Variants in DLG2 observed in about 807,000 individuals in gnomAD.
DLG2 encodes the protein discs large MAGUK scaffold protein 2.
DLG2 carries 45 observed loss-of-function variants against 132.5 expected under a neutral mutation model. That is an observed-to-expected ratio of 0.34 (90% CI 0.27 to 0.44). The LOEUF (loss-of-function observed/expected upper bound fraction) is 0.44. Ranked by LOEUF, DLG2 falls within the 20% of genes least tolerant of loss-of-function variation. DLG2 has a pLI of 1.00. For missense variants in DLG2, 1,045 were observed against 1,196.9 expected, an observed-to-expected ratio of 0.87 and a Z score of 1.87; for synonymous variants, 424 against 419.6, an observed-to-expected ratio of 1.01 and a Z score of -0.13.
rs1376614995 is a variant in DLG2 at position 83,542,466 on chromosome 11, A to G, written c.1941-608T>C. Among the ~76,000 whole-genome samples the G allele has an allele frequency of 3.3e-5, 5 of 152,186 alleles. 1 individual carries two copies. Among genetic ancestry groups the G allele is most frequent in the Admixed American group, 2.0e-4 (3 of 15,272 alleles). ...ATGCTTAAAATGCAGTAAATTAAAA[A>G]ATCTATGCGTATGTGTGTGTATGGA... On this transcript the variant is annotated intron_variant, in intron 19 of 27. Transcript: ENST00000376104.
At chr11:84,801,755 T>C (rs1274683904) in intron 6 of DLG2, among the ~76,000 whole-genome samples, 2 of 152,182 alleles carry the variant, frequency 1.3e-5, no homozygotes, top group Non-Finnish European at 2.9e-5. Context: ...AAGTCTTAAA[T>C]GGCCAAAGCC....
At chr11:84,510,178 T>C (rs1183129976) in intron 7 of DLG2, among the ~76,000 whole-genome samples, 1 of 151,412 alleles carries the variant, frequency 6.6e-6, no homozygotes, top group Non-Finnish European at 1.5e-5. Context: ...AAAGTTGCCA[T>C]TCTGGAAGTC....
chr11:84,169,052 C>T (rs2095749178), intron 8 of DLG2, among the ~76,000 whole-genome samples: 1 of 152,140 alleles, frequency 6.6e-6, no homozygotes, highest in Non-Finnish European at 1.5e-5. Flanking sequence ...TTCTTTCCAA[C>T]ATTTTTGATG....
At chr11:85,420,629 C>T (rs1420917746) in intron 3 of DLG2, among the ~76,000 whole-genome samples, 1 of 152,210 alleles carries the variant, frequency 6.6e-6, no homozygotes, top group South Asian at 2.1e-4. Context: ...GATGTCCTGC[C>T]CAGAAAGGAG....
At chr11:84,832,568 T>C (rs553994362) in intron 6 of DLG2, among the ~76,000 whole-genome samples, 18 of 151,414 alleles carry the variant, frequency 1.2e-4, no homozygotes, top group African/African-American at 4.1e-4. Flanking sequence ...AACCATTAAG[T>C]ACTTTTTTTT....
At chr11:85,145,094 T>C (rs1370154775) in intron 5 of DLG2, among the ~76,000 whole-genome samples, 2 of 151,864 alleles carry the variant, frequency 1.3e-5, no homozygotes, top group East Asian at 1.9e-4. Flanking sequence ...GGATATGCTA[T>C]TCTAGGATAA....
intron 10 of DLG2, among the ~76,000 whole-genome samples, chr11:84,083,105 C>T (rs1036944915): frequency 6.6e-6 from 1 of 151,994 alleles, no homozygotes; most frequent in Admixed American, 6.6e-5. Flanking sequence ...CATGGTAAAA[C>T]CCCATCTCTA....
At chr11:83,734,338 CCCTTCCTTCCTTCCTTCCTT>C (rs563427546) in intron 18 of DLG2, among the ~76,000 whole-genome samples, 5,311 of 95,320 alleles carry the variant, frequency 0.056, 287 homozygotes, top group African/African-American at 0.12. Context: ...CACTAATTTT[CCCTTCCTTCCTTCCTTCCTT>C]CCTTCCTTCC....
At chr11:84,657,382 CA>C (rs1414812220) in intron 6 of DLG2, among the ~76,000 whole-genome samples, 1 of 152,112 alleles carries the variant, frequency 6.6e-6, no homozygotes, top group Non-Finnish European at 1.5e-5. Context: ...GAGCCATAGC[CA>C]TGGGACTGGC....
At chr11:84,966,117 G>A (rs1167420492) in intron 6 of DLG2, among the ~76,000 whole-genome samples, 2 of 151,874 alleles carry the variant, frequency 1.3e-5, no homozygotes, top group Non-Finnish European at 2.9e-5. Flanking sequence ...CTAGTAGCAA[G>A]AGTAAAGGTT....
At chr11:85,231,703 A>T (rs1484515526) in intron 4 of DLG2, among the ~76,000 whole-genome samples, 1 of 151,828 alleles carries the variant, frequency 6.6e-6, no homozygotes, top group East Asian at 1.9e-4. Context: ...TCCTATCAAG[A>T]CTTCTTTAAA....
At chr11:85,249,379 C>CTA (rs2076288159) in intron 4 of DLG2, among the ~76,000 whole-genome samples, 1 of 151,664 alleles carries the variant, frequency 6.6e-6, no homozygotes, top group Non-Finnish European at 1.5e-5. Context: ...TAATTTTAGC[C>CTA]TATATATATC....
At position 84,930,145 on chromosome 11, in the gene DLG2, G is replaced by A. The variant is rs1332734513; in HGVS notation, c.357+181516C>T. On this transcript the variant is annotated intron_variant, in intron 6 of 27. Coordinates refer to ENST00000376104, the MANE Select transcript of DLG2 (RefSeq NM_001142699.3). ...AAAATCCTGTTACTCCTTAATGGTT[G>A]GATCAGAGGCTATCTTTTTATGAGA... 5.3e-5 allele frequency among the ~76,000 whole-genome samples: 8 copies of A among 152,072 alleles called. 1 individual carries two copies. The highest frequency in any genetic ancestry group is 4.6e-4 in the Admixed American group (7 of 15,250).
At chr11:83,531,938 T>C (rs1025467433) in intron 21 of DLG2, among the ~76,000 whole-genome samples, 4 of 143,356 alleles carry the variant, frequency 2.8e-5, no homozygotes, top group African/African-American at 1.0e-4. Context: ...ATAACCAGGA[T>C]AGGCAAATCC....
intron 6 of DLG2, among the ~76,000 whole-genome samples, chr11:84,614,776 T>C (rs1009561741): frequency 6.6e-6 from 1 of 152,180 alleles, no homozygotes; most frequent in African/African-American, 2.4e-5. Flanking sequence ...AAGAATGCTA[T>C]ATAACACAAG....
intron 7 of DLG2, among the ~76,000 whole-genome samples, chr11:84,471,323 T>C (rs945366388): frequency 4.6e-5 from 7 of 151,730 alleles, no homozygotes; most frequent in Admixed American, 1.3e-4. Flanking sequence ...TATTTGTAAT[T>C]GCTGCTCTGA....
At chr11:84,972,130 A>G (rs999483537) in intron 6 of DLG2, among the ~76,000 whole-genome samples, 2 of 152,252 alleles carry the variant, frequency 1.3e-5, no homozygotes, top group South Asian at 4.1e-4. Context: ...CCCTCTAATC[A>G]ATCATTTTCT....
chr11:85,546,818 C>CTTTTTTTTTTTT (rs34822004), intron 3 of DLG2, among the ~76,000 whole-genome samples: 10 of 69,004 alleles, frequency 1.4e-4, no homozygotes, highest in Non-Finnish European at 2.1e-4. Flanking sequence ...ATAACCCCTG[C>CTTTTTTTTTTTT]TTTTTTTTTT....
At chr11:83,492,219 C>T (rs1322643955) in intron 21 of DLG2, among the ~76,000 whole-genome samples, 2 of 152,126 alleles carry the variant, frequency 1.3e-5, no homozygotes, top group East Asian at 3.8e-4. Flanking sequence ...TCTCATCTTA[C>T]TCTGTTGATC....
Sources: allele counts gnomAD v4.1 joint callset (sites outside exome capture counted in the v4.1 genomes callset), GRCh38; gene constraint gnomAD v4.1.1; transcripts MANE v1.5; gene names NCBI Gene and HGNC (gene_info 2026-07-23, HGNC 2026-07-21).